Variants in PRRG1 observed in about 807,000 individuals in gnomAD.
PRRG1 encodes transmembrane gamma-carboxyglutamic acid protein 1.
Under a neutral mutation model 11.8 loss-of-function variants are expected in PRRG1, and 5 were observed. The ratio of observed to expected loss-of-function variants is 0.42; its 90% CI spans 0.22 to 0.89. PRRG1 has a LOEUF of 0.89. Ranked by LOEUF, PRRG1 falls within the 40% of genes least tolerant of loss-of-function variation. PRRG1 has a pLI of 0.28. For missense variants in PRRG1, 155 were observed against 166.1 expected (o/e 0.93, Z 0.37); for synonymous variants, 66 against 60.4 (o/e 1.09, Z -0.43).
intron 2 of PRRG1, among the ~76,000 whole-genome samples, chrX:37,410,270 G>A (rs782008362): frequency 5.4e-5 from 6 of 111,426 alleles, no homozygotes; most frequent in South Asian, 3.8e-4. Context: ...TTGTAAATAG[G>A]GATTATTATC....
chrX:37,386,721 A>C (rs1459106640), intron 1 of PRRG1: 2 of 112,095 alleles, frequency 1.8e-5, no homozygotes, highest in Non-Finnish European at 3.8e-5. Flanking sequence ...CTTTGCAGAC[A>C]TTATGATCCT....
At chrX:37,425,663 A>G in intron 2 of PRRG1, 177 bp from the exon 3 acceptor site, 1 of 407,384 alleles carries the variant, frequency 2.5e-6, no homozygotes, top group East Asian at 4.1e-5. Context: ...TTGAAAGGAC[A>G]TACTCACATC....
At position 37,375,224 on chromosome X, in the gene PRRG1, C is replaced by G. The variant is rs782643404; in HGVS notation, c.-42+25829C>G. The stretch of plus-strand genomic sequence containing the variant: ...CTCAATCTTTTAGTGAGCCTGTGCC[C>G]TAGACTGTGACCTTCGCAAGTGCTT... On this transcript the variant is annotated intron_variant, in intron 1 of 3. Coordinates refer to ENST00000378628, the MANE Select transcript of PRRG1 (RefSeq NM_001142395.2). Among the ~76,000 whole-genome samples, 143 of 111,481 alleles carry G rather than the reference C, an allele frequency of 1.3e-3. 1 individual carries two copies. Among genetic ancestry groups the G allele is most frequent in the Admixed American group, 4.8e-3 (50 of 10,497 alleles).
intron 1 of PRRG1, among the ~76,000 whole-genome samples, chrX:37,367,509 G>A (rs1930613073): frequency 1.1e-5 from 1 of 87,245 alleles, no homozygotes; most frequent in African/African-American, 9.4e-5. Flanking sequence ...ATCTCCAAGG[G>A]AACTTGGATC....
intron 3 of PRRG1, among the ~76,000 whole-genome samples, chrX:37,443,075 G>T (rs1281892404): frequency 8.9e-6 from 1 of 112,075 alleles, no homozygotes; most frequent in Non-Finnish European, 1.9e-5. Flanking sequence ...GTGCAGAACA[G>T]GTAGAGCCAT....
At chrX:37,383,846 A>G (rs1236609506) in intron 1 of PRRG1, among the ~76,000 whole-genome samples, 1 of 111,191 alleles carries the variant, frequency 9.0e-6, no homozygotes, top group Non-Finnish European at 1.9e-5. Context: ...AACCAAAGCC[A>G]CATTGTTTAT....
intron 2 of PRRG1, among the ~76,000 whole-genome samples, chrX:37,408,522 T>C (rs782156797): frequency 3.6e-5 from 4 of 111,481 alleles, no homozygotes; most frequent in South Asian, 7.7e-4. Flanking sequence ...GCCAGGAACA[T>C]GTTGGGGCAA....
chrX:37,404,648 C>A (rs1932132012), intron 1 of PRRG1, among the ~76,000 whole-genome samples: 2 of 110,951 alleles, frequency 1.8e-5, no homozygotes, highest in South Asian at 7.7e-4. Flanking sequence ...AGACTACAAC[C>A]CTCCACCCCA....
chrX:37,453,296 G>T lies in PRRG1; in HGVS notation c.332G>T (p.Arg111Leu). Residue 111 changes from arginine (R) to leucine (L), a missense_variant, in exon 4 of 4, where the codon CGT becomes CTT. By Grantham distance (102) the Arg-to-Leu change is moderately radical. Transcript: ENST00000378628. ...AGATGCTTCCTAAGAAACAAAACTC[G>T]TAGACAGACAGTGACTGAAGGCCAC... ...IWRCFLRNKT[R>L]RQTVTEGHIP... 1 of 1,209,133 alleles carries T rather than the reference G, an allele frequency of 8.3e-7. No individual in the cohort carries two copies. Among genetic ancestry groups the T allele is most frequent in the Non-Finnish European group, 1.1e-6 (1 of 893,648 alleles).
chrX:37,431,698 T>C (rs1932828478), intron 3 of PRRG1, among the ~76,000 whole-genome samples: 1 of 111,913 alleles, frequency 8.9e-6, no homozygotes, highest in Admixed American at 9.5e-5. Flanking sequence ...ATGTATTAAT[T>C]GTATATTCTA....
In PRRG1 at chrX:37,454,971, A is replaced by G. The variant is rs1468122081; in HGVS notation, c.*1350A>G. ...CAAATTCATTAGGTCAGTTAAGGGAAATATTTGTACCACTTCCAAACTTTT... is the reference window on the plus strand; with the variant it reads ...CAAATTCATTAGGTCAGTTAAGGGAGATATTTGTACCACTTCCAAACTTTT... On this transcript the variant is annotated 3_prime_UTR_variant, in exon 4 of 4. Coordinates refer to ENST00000378628, the MANE Select transcript of PRRG1 (RefSeq NM_001142395.2). The G allele has an allele frequency of 8.9e-6, 1 of 112,148 alleles. No homozygotes were observed. The highest frequency in any genetic ancestry group is 1.9e-5 in the Non-Finnish European group (1 of 53,256). 9.2% of individuals were successfully genotyped at this position (112,148 alleles called of 1,213,427 possible).
chrX:37,349,404 G>C lies in PRRG1; in HGVS notation c.-42+9G>C, dbSNP rs931493668. On this transcript the variant is annotated intron_variant, in intron 1 of 3. Coordinates refer to ENST00000378628, the MANE Select transcript of PRRG1 (RefSeq NM_001142395.2). ...GCGGAGCGGGACCCGCTGTGAGTGT[G>C]GCGGCCGCGCTGGGTTCCTAGCTGG... is the stretch of plus-strand genomic sequence containing the variant. 2 of 112,806 alleles carry C rather than the reference G, an allele frequency of 1.8e-5. No individual in the cohort carries two copies. Among genetic ancestry groups the C allele is most frequent in the Non-Finnish European group, 3.8e-5 (2 of 53,255 alleles). The allele number at this position is 112,806 out of a possible 1,213,427, so 9.3% of individuals were successfully genotyped here.
chrX:37,441,971 GT>G, intron 3 of PRRG1: 12 of 768,428 alleles, frequency 1.6e-5, no homozygotes, highest in African/African-American at 2.3e-5. Context: ...AAAAAGCTGG[GT>G]GACTACCTGA....
intron 1 of PRRG1, among the ~76,000 whole-genome samples, chrX:37,359,327 GTT>G (rs782365597): frequency 2.0e-5 from 2 of 102,039 alleles, no homozygotes; most frequent in African/African-American, 7.0e-5. Flanking sequence ...TTTGCTGAGA[GTT>G]TTTTTTTTTT....
chrX:37,399,543 A>G (rs1931872224), intron 1 of PRRG1, among the ~76,000 whole-genome samples: 2 of 110,039 alleles, frequency 1.8e-5, no homozygotes, highest in African/African-American at 6.6e-5. Flanking sequence ...AATTGTAAAG[A>G]CCATCGAGAC....
At chrX:37,400,594 C>A (rs1931935866) in intron 1 of PRRG1, among the ~76,000 whole-genome samples, 1 of 111,431 alleles carries the variant, frequency 9.0e-6, no homozygotes, top group African/African-American at 3.3e-5. Context: ...AGAGCAAACA[C>A]ATTCAAAAGC....
intron 3 of PRRG1, chrX:37,440,926 G>A: frequency 3.9e-6 from 2 of 518,136 alleles, no homozygotes; most frequent in Non-Finnish European, 6.4e-6. Context: ...CACCATGCCT[G>A]GCTAATTTAA....
chrX:37,448,384 A>G (rs5917220), intron 3 of PRRG1, among the ~76,000 whole-genome samples: 17,900 of 110,747 alleles, frequency 0.16, 1,848 homozygotes, highest in African/African-American at 0.38. Flanking sequence ...CCTGCAACCA[A>G]TTGAAGGCTG....
At chrX:37,425,760 T>C (rs1220319681) in intron 2 of PRRG1, 80 bp from the exon 3 acceptor site, 4 of 914,005 alleles carry the variant, frequency 4.4e-6, no homozygotes, top group Admixed American at 3.5e-5. Flanking sequence ...GTTGGCTATG[T>C]TTTCTAAAGA....
Sources: gnomAD v4.1 joint callset for allele counts (sites outside exome capture counted in the v4.1 genomes callset) on GRCh38, gnomAD v4.1.1 for gene constraint, MANE v1.5 for transcripts, NCBI Gene and HGNC (gene_info 2026-07-23, HGNC 2026-07-21) for gene names.